SSPN: variants seen among roughly 807,000 people sequenced by gnomAD.
The protein encoded by SSPN is sarcospan.
A neutral mutation model predicts 19.1 loss-of-function variants in SSPN; 15 were observed. The ratio of observed to expected loss-of-function variants is 0.78; its 90% CI spans 0.52 to 1.21. The LOEUF (loss-of-function observed/expected upper bound fraction) is 1.21. Ranked by LOEUF, SSPN falls within the 50% of genes most tolerant of loss-of-function variation. The pLI, the probability that SSPN is intolerant of heterozygous loss-of-function variation, is 0.00. For missense variants in SSPN, 291 were observed against 314.0 expected, an observed-to-expected ratio of 0.93 and a Z score of 0.55; for synonymous variants, 147 against 140.3, an observed-to-expected ratio of 1.05 and a Z score of -0.34.
intron 1 of SSPN, chr12:26,122,878 G>C: frequency 5.8e-6 from 9 of 1,555,932 alleles, no homozygotes; most frequent in Non-Finnish European, 7.8e-6. Flanking sequence ...TAGGCGAGGG[G>C]CTCCAGCTTC....
At chr12:26,122,474 GA>G (rs1404802214) in intron 1 of SSPN, 1 of 1,345,900 alleles carries the variant, frequency 7.4e-7, no homozygotes. Flanking sequence ...AGGGCAGGCA[GA>G]AGGGGGCCGC....
intron 1 of SSPN, among the ~76,000 whole-genome samples, chr12:26,168,227 A>T (rs970428206): frequency 6.6e-6 from 1 of 152,076 alleles, no homozygotes; most frequent in Non-Finnish European, 1.5e-5. Flanking sequence ...AAAAAAAAAA[A>T]AAAAGGAATA....
rs558145738 is a variant in SSPN, at chr12:26,164,495, A to G, written c.-31+42343A>G. Among the ~76,000 whole-genome samples the G allele has an allele frequency of 9.7e-4, 148 of 152,352 alleles. 1 individual carries two copies. The highest frequency in any genetic ancestry group is 3.4e-3 in the African/African-American group (140 of 41,578). On this transcript the variant is annotated intron_variant, in intron 1 of 2. Coordinates refer to the SSPN transcript ENST00000538142. ...TTCTAGGCTGCAGTGAGCTATGATC[A>G]TGTCACTGTATTCCAGCCTAGGCGA...
intron 1 of SSPN, among the ~76,000 whole-genome samples, chr12:26,184,452 C>T (rs1204277740): frequency 1.3e-5 from 2 of 152,132 alleles, no homozygotes; most frequent in African/African-American, 4.8e-5. Flanking sequence ...TCAAGAAAGA[C>T]ACAGTTCAAT....
At chr12:26,141,797 G>C (rs1287772128) in intron 1 of SSPN, among the ~76,000 whole-genome samples, 1 of 152,158 alleles carries the variant, frequency 6.6e-6, no homozygotes, top group Non-Finnish European at 1.5e-5. Flanking sequence ...GTGAATGTAT[G>C]TTTTTTAAAA....
At chr12:26,215,455 G>T (rs747456680) in intron 1 of SSPN, among the ~76,000 whole-genome samples, 1 of 152,166 alleles carries the variant, frequency 6.6e-6, no homozygotes, top group Non-Finnish European at 1.5e-5. Context: ...ATGGGGTGGA[G>T]GTGCAGAAGC....
At chr12:26,194,018 TTCCA>T (rs1439768208), upstream of SSPN, among the ~76,000 whole-genome samples, 2 of 152,220 alleles carry the variant, frequency 1.3e-5, no homozygotes, top group Admixed American at 1.3e-4. Context: ...TCTTTAAATT[TTCCA>T]ATAGCAAACA....
chr12:26,160,933 C>A (rs965369536), intron 1 of SSPN, among the ~76,000 whole-genome samples: 2 of 151,722 alleles, frequency 1.3e-5, no homozygotes, highest in East Asian at 3.9e-4. Flanking sequence ...CATGGTGAAA[C>A]CCTGTCTCTA....
At chr12:26,145,517 A>C (rs1479873209) in intron 1 of SSPN, among the ~76,000 whole-genome samples, 2 of 152,218 alleles carry the variant, frequency 1.3e-5, no homozygotes, top group Non-Finnish European at 2.9e-5. Flanking sequence ...TGCCTGGGAC[A>C]TTAGCATTGG....
At chr12:26,137,827 G>A (rs1253759363) in intron 1 of SSPN, among the ~76,000 whole-genome samples, 4 of 150,822 alleles carry the variant, frequency 2.7e-5, no homozygotes, top group African/African-American at 7.3e-5. Flanking sequence ...CACCACGCCC[G>A]GCTAATTTTT....
In SSPN at chr12:26,134,370, C is replaced by T. The variant is rs187985444; in HGVS notation, c.-31+12218C>T. ...CTCTGAGTTCCTGGACCAGATTTGTCTCCTTCTATCAGCTCCCTTTGTGCC... is the reference window on the plus strand; with the variant it reads ...CTCTGAGTTCCTGGACCAGATTTGTTTCCTTCTATCAGCTCCCTTTGTGCC... On this transcript the variant is annotated intron_variant, in intron 1 of 2. Transcript: ENST00000538142. 9.5e-4 allele frequency among the ~76,000 whole-genome samples: 145 copies of T among 152,310 alleles called. 1 individual carries two copies. Among genetic ancestry groups the T allele is most frequent in the Middle Eastern group, 6.8e-3 (2 of 294 alleles).
At chr12:26,182,000 T>C (rs567253903) in intron 1 of SSPN, among the ~76,000 whole-genome samples, 1 of 152,366 alleles carries the variant, frequency 6.6e-6, no homozygotes, top group East Asian at 1.9e-4. Context: ...TTGAATAGTC[T>C]ATATGGGAGC....
chr12:26,196,120 G>T (rs1944827813), intron 1 of SSPN, among the ~76,000 whole-genome samples, 169 bp downstream of exon 1: 1 of 152,212 alleles, frequency 6.6e-6, no homozygotes, highest in South Asian at 2.1e-4. Context: ...CCCGGGCGGG[G>T]CAGGGCTGGA....
intron 1 of SSPN, among the ~76,000 whole-genome samples, chr12:26,144,366 A>G (rs1024074087): frequency 6.6e-6 from 1 of 152,300 alleles, no homozygotes; most frequent in South Asian, 2.1e-4. Flanking sequence ...AATGGAGTAA[A>G]AGACCCAGAG....
At chr12:26,184,920 GT>G (rs1293833854) in intron 1 of SSPN, among the ~76,000 whole-genome samples, 5 of 152,080 alleles carry the variant, frequency 3.3e-5, no homozygotes, top group African/African-American at 7.2e-5. Flanking sequence ...ATCTCAGTGA[GT>G]TTTTTTCTAG....
At chr12:26,173,875 A>G (rs1314058356) in intron 1 of SSPN, among the ~76,000 whole-genome samples, 1 of 152,242 alleles carries the variant, frequency 6.6e-6, no homozygotes, top group Non-Finnish European at 1.5e-5. Flanking sequence ...GTCTTCAAGG[A>G]TGAATGAAGC....
intron 1 of SSPN, among the ~76,000 whole-genome samples, chr12:26,146,560 G>A (rs980689043): frequency 5.9e-5 from 9 of 152,142 alleles, no homozygotes; most frequent in African/African-American, 2.2e-4. Flanking sequence ...CAGTGTTTGA[G>A]TGATCCTTCA....
chr12:26,201,197 C>A (rs1944881938), intron 1 of SSPN, among the ~76,000 whole-genome samples: 1 of 150,776 alleles, frequency 6.6e-6, no homozygotes, highest in Non-Finnish European at 1.5e-5. Context: ...GTCAACATGG[C>A]AATATCCCAT....
At chr12:26,204,076 C>A (rs925163661) in intron 1 of SSPN, among the ~76,000 whole-genome samples, 2 of 152,154 alleles carry the variant, frequency 1.3e-5, no homozygotes, top group Non-Finnish European at 2.9e-5. Flanking sequence ...ACAATTCAGT[C>A]CATAGCATTT....
Sources: allele counts gnomAD v4.1 joint callset (sites outside exome capture counted in the v4.1 genomes callset), GRCh38; gene constraint gnomAD v4.1.1; transcripts MANE v1.5; gene names NCBI Gene and HGNC (gene_info 2026-07-23, HGNC 2026-07-21).